RANBP2: variants seen among roughly 807,000 people sequenced by gnomAD.
RANBP2 encodes E3 SUMO-protein ligase RanBP2.
A neutral mutation model predicts 303.6 loss-of-function variants in RANBP2; 57 were observed. The ratio of observed to expected loss-of-function variants is 0.19; its 90% CI spans 0.15 to 0.23. The LOEUF (loss-of-function observed/expected upper bound fraction) is 0.23. RANBP2 is among the 10% of genes least tolerant of loss of function. The probability of loss-of-function intolerance (pLI) is 1.00; values close to 1 mark genes in which losing one functional copy is unlikely to be tolerated. For missense variants in RANBP2, 3,138 were observed against 3,780.8 expected, an observed-to-expected ratio of 0.83 and a Z score of 4.46; for synonymous variants, 1,167 against 1,301.5, an observed-to-expected ratio of 0.90 and a Z score of 2.23.
At chr2:109,171,340 A>G in the RANBP2 span, among the ~76,000 whole-genome samples, 3 of 152,150 alleles carry the variant, frequency 2.0e-5, no homozygotes, top group African/African-American at 7.2e-5. Flanking sequence ...AAGAATTCAA[A>G]GTTTTTGTCA....
At chr2:109,016,369 G>A in the RANBP2 span, among the ~76,000 whole-genome samples, 2 of 152,114 alleles carry the variant, frequency 1.3e-5, no homozygotes, top group Non-Finnish European at 2.9e-5. Context: ...TTACAGGCGT[G>A]AGCCACCGCG....
the RANBP2 span, chr2:109,594,672 G>A: frequency 6.6e-6 from 1 of 152,216 alleles, no homozygotes; most frequent in Admixed American, 6.5e-5. Context: ...GAGAACCTGG[G>A]TGCTCCCACC....
chr2:109,034,422 T>C, the RANBP2 span, among the ~76,000 whole-genome samples: 4 of 151,922 alleles, frequency 2.6e-5, no homozygotes, highest in Admixed American at 6.6e-5. Context: ...GAGACTGGCG[T>C]TTAGGGAATG....
chr2:109,645,562 T>G, the RANBP2 span, among the ~76,000 whole-genome samples: 8 of 152,202 alleles, frequency 5.3e-5, no homozygotes, highest in East Asian at 1.9e-4. Flanking sequence ...TGGCTGTACC[T>G]GCAAGCTCAG....
At chr2:108,799,655 A>G in the RANBP2 span, among the ~76,000 whole-genome samples, 4 of 152,174 alleles carry the variant, frequency 2.6e-5, no homozygotes, top group East Asian at 3.8e-4. Flanking sequence ...AGCTTCTTCA[A>G]TTTGGAAATT....
chr2:109,091,456 G>A, the RANBP2 span, among the ~76,000 whole-genome samples: 3 of 152,054 alleles, frequency 2.0e-5, no homozygotes, highest in Admixed American at 1.3e-4. Context: ...AAAACATCCT[G>A]GAGACTGATC....
At chr2:108,882,115 A>G in the RANBP2 span, 29 of 152,244 alleles carry the variant, frequency 1.9e-4, no homozygotes, top group Non-Finnish European at 3.1e-4. Context: ...GATCACACCA[A>G]TGCACTCCGG....
At chr2:109,526,078 GC>G in the RANBP2 span, among the ~76,000 whole-genome samples, 2 of 152,008 alleles carry the variant, frequency 1.3e-5, no homozygotes, top group Non-Finnish European at 2.9e-5. Flanking sequence ...CCTGACACAC[GC>G]CCACAGGTGA....
the RANBP2 span, among the ~76,000 whole-genome samples, chr2:108,987,931 G>T: frequency 2.6e-5 from 4 of 152,192 alleles, no homozygotes; most frequent in Non-Finnish European, 5.9e-5. Context: ...TTAGATGCCT[G>T]GATCCCTTTT....
At chr2:109,479,972 G>C in the RANBP2 span, among the ~76,000 whole-genome samples, 2 of 152,226 alleles carry the variant, frequency 1.3e-5, no homozygotes, top group South Asian at 4.1e-4. Context: ...TGGTATGCAG[G>C]TGACATGTCC....
chr2:109,579,387 T>TC, the RANBP2 span, among the ~76,000 whole-genome samples: 1 of 145,954 alleles, frequency 6.9e-6, no homozygotes, highest in Non-Finnish European at 1.5e-5. Flanking sequence ...AGGCCCTCCT[T>TC]TTTTTTTTTT....
the RANBP2 span, among the ~76,000 whole-genome samples, chr2:108,942,165 G>C: frequency 1.3e-5 from 2 of 152,176 alleles, no homozygotes; most frequent in Non-Finnish European, 2.9e-5. Context: ...AGCGCCAGAC[G>C]TGTCACTAAA....
At chr2:109,208,759 G>C in the RANBP2 span, among the ~76,000 whole-genome samples, 1 of 152,236 alleles carries the variant, frequency 6.6e-6, no homozygotes, top group East Asian at 1.9e-4. Flanking sequence ...CAGAGGAAGT[G>C]AGGTCAAGGG....
chr2:109,003,197 C>T, the RANBP2 span, among the ~76,000 whole-genome samples: 3 of 134,756 alleles, frequency 2.2e-5, no homozygotes, highest in Non-Finnish European at 3.1e-5. Context: ...CAAAGTGAGT[C>T]TCCCTCTCAA....
At position 108,783,824 on chromosome 2, in the gene RANBP2, A is replaced by G; in HGVS notation, c.9598A>G (p.Lys3200Glu). The change falls in exon 29 of 29, where the codon AAA (lysine) becomes GAA (glutamate). Residue 3200 changes from lysine to glutamate, a missense_variant. Around this residue, in one of 20 missense-constraint regions of RANBP2, gnomAD observed 22 missense variants for 48.8 expected, o/e 0.45. Transcript: ENST00000283195. The stretch of plus-strand genomic sequence containing the variant: ...TGTTAAGGATGGCATGGATACTGTG[A>G]AAAAGATTGAATCATTTGGTTCTCC... ...GFVKDGMDTV[K>E]KIESFGSPKG... 3.1e-6 allele frequency: 5 copies of G among 1,613,044 alleles called. No individual in the cohort carries two copies. The highest frequency in any genetic ancestry group is 4.2e-6 in the Non-Finnish European group (5 of 1,179,038).
chr2:109,474,898 C>A, the RANBP2 span, among the ~76,000 whole-genome samples: 1 of 152,252 alleles, frequency 6.6e-6, no homozygotes, highest in East Asian at 1.9e-4. Context: ...AAGGGCAGCA[C>A]CCCTCCCTGA....
At chr2:108,997,173 G>T in the RANBP2 span, among the ~76,000 whole-genome samples, 1 of 152,194 alleles carries the variant, frequency 6.6e-6, no homozygotes, top group Non-Finnish European at 1.5e-5. Flanking sequence ...TGGGCGCAGT[G>T]GCTCACGCCT....
At chr2:109,328,853 G>A in the RANBP2 span, among the ~76,000 whole-genome samples, 1 of 152,198 alleles carries the variant, frequency 6.6e-6, no homozygotes, top group Non-Finnish European at 1.5e-5. Context: ...GAATGTCTGA[G>A]TGTCAAATAT....
the RANBP2 span, among the ~76,000 whole-genome samples, chr2:109,324,153 T>C: frequency 6.6e-6 from 1 of 152,248 alleles, no homozygotes; most frequent in Admixed American, 6.5e-5. Flanking sequence ...CATGTTTTTA[T>C]GGCTGAATAA....
Sources: gnomAD v4.1 joint callset for allele counts (sites outside exome capture counted in the v4.1 genomes callset) on GRCh38, gnomAD v4.1.1 for gene constraint, gnomAD v4.1.1 regional missense constraint, MANE v1.5 for transcripts, NCBI Gene and HGNC (gene_info 2026-07-23, HGNC 2026-07-21) for gene names.